Variants in DGKI observed in about 807,000 individuals in gnomAD.
DGKI encodes diacylglycerol kinase iota, also known as DAG kinase iota.
DGKI carries 55 observed loss-of-function variants against 147.5 expected under a neutral mutation model. That is an observed-to-expected ratio of 0.37 (90% confidence interval 0.30 to 0.47). DGKI has a LOEUF of 0.47. Among genes scored for constraint, DGKI ranks in the 20% least tolerant of loss-of-function variants. The pLI is 1.00. For missense variants in DGKI, 1,007 were observed against 1,323.8 expected, an observed-to-expected ratio of 0.76 and a Z score of 3.71; for synonymous variants, 469 against 477.1, an observed-to-expected ratio of 0.98 and a Z score of 0.22.
chr7:137,750,540 C>T (rs1283239089), intron 1 of DGKI, among the ~76,000 whole-genome samples: 1 of 152,148 alleles, frequency 6.6e-6, no homozygotes, highest in Non-Finnish European at 1.5e-5. Context: ...CCTCCATTAC[C>T]TGTGGGCTGT....
chr7:137,721,837 G>C, intron 1 of DGKI: 1 of 583,126 alleles, frequency 1.7e-6, no homozygotes. Flanking sequence ...TCATGGAACT[G>C]GCAATGATCT....
chr7:137,517,260 GAAAGAAAGAAAGAAAAGAAA>G (rs1816782474), intron 21 of DGKI, among the ~76,000 whole-genome samples: 1 of 103,700 alleles, frequency 9.6e-6, no homozygotes, highest in South Asian at 3.3e-4. Flanking sequence ...GAAAAAGAAA[GAAAGAAAGAAAGAAAAGAAA>G]AAGAAAGAAA....
At chr7:137,399,975 G>A (rs1051367323) in intron 30 of DGKI, among the ~76,000 whole-genome samples, 4 of 151,976 alleles carry the variant, frequency 2.6e-5, no homozygotes, top group African/African-American at 7.3e-5. Flanking sequence ...ACAGTGCCTG[G>A]CACACCACAG....
At chr7:137,572,072 ACT>A (rs1033377168) in intron 18 of DGKI, among the ~76,000 whole-genome samples, 64 of 152,130 alleles carry the variant, frequency 4.2e-4, no homozygotes, top group African/African-American at 1.5e-3. Flanking sequence ...TTTACATACA[ACT>A]CTCATTTCAA....
In DGKI at chr7:137,488,899, AAG is replaced by A. The variant is rs565513972; in HGVS notation, c.2249-1212_2249-1211del. On this transcript the variant is annotated intron_variant, in intron 21 of 32. Coordinates refer to ENST00000614521, the MANE Select transcript of DGKI (RefSeq NM_001321708.2). ...ACTTAGTCATTTGAAAACTATAGGA[AAG>A]AGGGGCTAATTCTTGCCTGGGTGAA... Among the ~76,000 whole-genome samples, 285 of 152,310 alleles carry A rather than the reference AAG, an allele frequency of 1.9e-3. 3 individuals carry two copies. The highest frequency in any genetic ancestry group is 6.5e-3 in the African/African-American group (272 of 41,572).
At chr7:137,669,224 T>C (rs767054010) in intron 3 of DGKI, among the ~76,000 whole-genome samples, 9 of 152,198 alleles carry the variant, frequency 5.9e-5, no homozygotes, top group Admixed American at 3.9e-4. Context: ...TTTTAAAGCA[T>C]CACCTTCTGA....
intron 21 of DGKI, among the ~76,000 whole-genome samples, chr7:137,489,267 G>C (rs552357547): frequency 1.3e-5 from 2 of 152,252 alleles, no homozygotes; most frequent in South Asian, 4.1e-4. Context: ...CTTAACGACT[G>C]TTTGGATGCA....
intron 1 of DGKI, among the ~76,000 whole-genome samples, chr7:137,717,893 G>C (rs2116598842): frequency 6.6e-6 from 1 of 152,252 alleles, no homozygotes; most frequent in African/African-American, 2.4e-5. Context: ...GCCTCTGATT[G>C]ATTTAAACTT....
rs186854732 is a variant in DGKI at position 137,679,486 on chromosome 7, T to A, written c.511-834A>T. Among the ~76,000 whole-genome samples the A allele has an allele frequency of 2.9e-3, 441 of 152,072 alleles. 1 individual carries two copies. Among genetic ancestry groups the A allele is most frequent in the African/African-American group, 0.01 (422 of 41,508 alleles). Reference sequence around the variant, plus strand: ...CTCTATCTTGGAAATTATAGATTTATATATTAATTGTATATTTTGCTCATT... The same window carrying A: ...CTCTATCTTGGAAATTATAGATTTAAATATTAATTGTATATTTTGCTCATT... On this transcript the variant is annotated intron_variant, in intron 2 of 32. Transcript: ENST00000614521.
chr7:137,627,038 G>A lies in DGKI; in HGVS notation c.805-3484C>T, dbSNP rs1387174424. ...TGCATTATAAATTCCTGTCCGCAGT[G>A]AGACAGGTCTACTCATATCCACAAT... On this transcript the variant is annotated intron_variant, in intron 6 of 32. Transcript: ENST00000614521. Among the ~76,000 whole-genome samples the A allele has an allele frequency of 2.6e-5, 4 of 152,308 alleles. No homozygotes were observed. In the South Asian group the frequency reaches 6.2e-4, roughly 24 times the overall value.
chr7:137,794,160 T>C (rs981848064), intron 1 of DGKI, among the ~76,000 whole-genome samples: 13 of 152,164 alleles, frequency 8.5e-5, no homozygotes, highest in Admixed American at 7.9e-4. Flanking sequence ...AATAAATAAT[T>C]CCCACCTCTG....
At chr7:137,409,739 C>T (rs889760495) in intron 29 of DGKI, among the ~76,000 whole-genome samples, 2 of 152,212 alleles carry the variant, frequency 1.3e-5, no homozygotes, top group African/African-American at 4.8e-5. Context: ...TCCTGCCTTC[C>T]TGTGCTGTTT....
At chr7:137,782,373 A>T (rs796374921) in intron 1 of DGKI, among the ~76,000 whole-genome samples, 22 of 152,212 alleles carry the variant, frequency 1.4e-4, no homozygotes, top group African/African-American at 5.3e-4. Context: ...GAGGCAGCCA[A>T]AATCCCCCTG....
intron 27 of DGKI, among the ~76,000 whole-genome samples, chr7:137,451,863 T>C (rs1813978123): frequency 6.6e-6 from 1 of 152,192 alleles, no homozygotes; most frequent in Admixed American, 6.5e-5. Flanking sequence ...TATTTTGCTT[T>C]ATTTATTTTT....
At chr7:137,665,658 G>T (rs1382824043) in intron 3 of DGKI, among the ~76,000 whole-genome samples, 5 of 152,130 alleles carry the variant, frequency 3.3e-5, no homozygotes, top group African/African-American at 1.2e-4. Context: ...CTAGATACTA[G>T]GCTGAACCCC....
chr7:137,753,833 T>G (rs148651491), intron 1 of DGKI, among the ~76,000 whole-genome samples: 222 of 152,162 alleles, frequency 1.5e-3, no homozygotes, highest in African/African-American at 5.2e-3. Context: ...AGAGCAGCTT[T>G]GAGAGTAAAT....
chr7:137,396,900 T>C (rs796817343), intron 31 of DGKI, among the ~76,000 whole-genome samples: 13 of 152,308 alleles, frequency 8.5e-5, no homozygotes, highest in African/African-American at 3.1e-4. Flanking sequence ...AGACAGAAAA[T>C]AGAGTGACTA....
At chr7:137,546,831 A>G (rs1244047152) in intron 20 of DGKI, among the ~76,000 whole-genome samples, 6 of 152,222 alleles carry the variant, frequency 3.9e-5, no homozygotes, top group Non-Finnish European at 7.3e-5. Context: ...GTCACCCATG[A>G]GGTAACTCCA....
At chr7:137,662,799 A>C (rs1056425193) in intron 3 of DGKI, among the ~76,000 whole-genome samples, 2 of 152,200 alleles carry the variant, frequency 1.3e-5, no homozygotes, top group South Asian at 2.1e-4. Context: ...GTGTTTGTGC[A>C]ATGTGATCTG....
Sources: gnomAD v4.1 joint callset for allele counts (sites outside exome capture counted in the v4.1 genomes callset) on GRCh38, gnomAD v4.1.1 for gene constraint, MANE v1.5 for transcripts, NCBI Gene and HGNC (gene_info 2026-07-23, HGNC 2026-07-21) for gene names.